Variants in FBXO47 observed in about 807,000 individuals in gnomAD.
The protein encoded by FBXO47 is F-box only protein 47.
Under a neutral mutation model 53.9 loss-of-function variants are expected in FBXO47, and 34 were observed. The ratio of observed to expected loss-of-function variants is 0.63; its 90% CI spans 0.48 to 0.84. FBXO47 has a LOEUF of 0.84. Ranked by LOEUF, FBXO47 falls within the 40% of genes least tolerant of loss-of-function variation. The pLI is 0.00. For missense variants in FBXO47, 485 were observed against 541.3 expected (o/e 0.90, Z 1.03); for synonymous variants, 165 against 181.6 (o/e 0.91, Z 0.73).
intron 9 of FBXO47, among the ~76,000 whole-genome samples, chr17:38,942,038 A>C (rs889857059): frequency 3.3e-5 from 5 of 152,058 alleles, no homozygotes; most frequent in Non-Finnish European, 7.4e-5. Context: ...AGAGAGAATA[A>C]TATAATAAAC....
intron 1 of FBXO47, 21 bp from the exon 2 acceptor site, chr17:38,963,072 C>A: frequency 1.4e-6 from 2 of 1,390,132 alleles, no homozygotes; most frequent in Non-Finnish European, 9.9e-7. Flanking sequence ...AAACAAAGTA[C>A]AAGAGACAAG....
At chr17:38,952,574 G>T (rs1235236660) in intron 5 of FBXO47, among the ~76,000 whole-genome samples, 1 of 151,664 alleles carries the variant, frequency 6.6e-6, no homozygotes, top group Non-Finnish European at 1.5e-5. Flanking sequence ...GGAATGCAAC[G>T]GAGATAACTT....
intron 5 of FBXO47, among the ~76,000 whole-genome samples, chr17:38,952,536 G>A (rs1490250718): frequency 1.3e-5 from 2 of 150,236 alleles, no homozygotes; most frequent in South Asian, 4.2e-4. Flanking sequence ...TTTTTTTTGA[G>A]ATTCAATCTC....
chr17:38,942,557 G>A (rs147697188), intron 9 of FBXO47, among the ~76,000 whole-genome samples: 6 of 152,238 alleles, frequency 3.9e-5, no homozygotes, highest in Non-Finnish European at 7.3e-5. Flanking sequence ...TCGCACCACT[G>A]CACTCCAGCC....
intron 1 of FBXO47, among the ~76,000 whole-genome samples, chr17:38,964,852 G>A (rs1346078512): frequency 6.6e-6 from 1 of 151,540 alleles, no homozygotes; most frequent in South Asian, 2.1e-4. Context: ...TCGCTCTACT[G>A]CCCGGGCTGG....
rs149066313 is a variant in FBXO47 at position 38,951,614 on chromosome 17, G to C, written c.583C>G (p.Arg195Gly). ...CTGCAGACAGCCATTTGTATCTTGC[G>C]GCAGAGATTAGTCAGTTCGCATAAG... ...NFLCELTNLC[R>G]KIQMAVCSKP... The change falls in exon 6 of 11, where the codon CGC becomes GGC. Residue 195 changes from arginine to glycine, a missense_variant. Transcript: ENST00000378079. The C allele has an allele frequency of 6.8e-6, 11 of 1,613,778 alleles. No individual in the cohort carries two copies. The Admixed American group carries it at 1.8e-4, about 27-fold the overall frequency.
chr17:38,961,443 A>C (rs537230637), intron 3 of FBXO47, among the ~76,000 whole-genome samples: 1 of 152,360 alleles, frequency 6.6e-6, no homozygotes, highest in South Asian at 2.1e-4. Flanking sequence ...TAGTAAATGT[A>C]CTTAAAAAAC....
chr17:38,936,931 T>A lies in FBXO47; in HGVS notation c.*244A>T. On this transcript the variant is annotated 3_prime_UTR_variant, in exon 11 of 11. Transcript: ENST00000378079. ...ATTCTATTTTGGTTTGGTGTTAGGT[T>A]GACTAAAACCCGGAGAGGCAGAGCT... 1 of 331,774 alleles carries A rather than the reference T, an allele frequency of 3.0e-6. No individual in the cohort carries two copies. Among genetic ancestry groups the A allele is most frequent in the Admixed American group, 4.8e-5 (1 of 20,772 alleles). 20.6% of individuals were successfully genotyped at this position (331,774 alleles called of 1,614,324 possible).
chr17:38,955,315 G>T (rs1905494740), intron 4 of FBXO47, among the ~76,000 whole-genome samples: 1 of 151,042 alleles, frequency 6.6e-6, no homozygotes, highest in Non-Finnish European at 1.5e-5. Context: ...ATGAACCCAG[G>T]AGGCGGAGCT....
intron 3 of FBXO47, among the ~76,000 whole-genome samples, chr17:38,960,921 C>G (rs559013833): frequency 2.0e-5 from 3 of 151,920 alleles, no homozygotes; most frequent in Non-Finnish European, 4.4e-5. Flanking sequence ...TGTGAACCAC[C>G]GCAGCCAGCC....
chr17:38,951,465 A>G (rs1248090977), intron 6 of FBXO47, 116 bp downstream of exon 6: 3 of 688,258 alleles, frequency 4.4e-6, no homozygotes, highest in Non-Finnish European at 6.9e-6. Flanking sequence ...AAGTGCTGGG[A>G]TTTTAGGCAT....
At chr17:38,955,902 G>A (rs1905528105) in intron 4 of FBXO47, among the ~76,000 whole-genome samples, 1 of 145,788 alleles carries the variant, frequency 6.9e-6, no homozygotes, top group South Asian at 2.2e-4. Context: ...AGGTTACAGC[G>A]AGCTGAGATC....
At chr17:38,945,186 G>T (rs1040365837) in intron 6 of FBXO47, 50 bp from the exon 7 acceptor site, 1 of 1,396,828 alleles carries the variant, frequency 7.2e-7, no homozygotes, top group Admixed American at 1.7e-5. Flanking sequence ...AGGCTGCTGT[G>T]CATATTGAAT....
chr17:38,944,869 T>TGTGTGTGTGTGTGC, intron 7 of FBXO47, 91 bp downstream of exon 7: 1 of 933,106 alleles, frequency 1.1e-6, no homozygotes, highest in Non-Finnish European at 1.7e-6. Context: ...TGTGTGTGTG[T>TGTGTGTGTGTGTGC]GTATAATATA....
At chr17:38,950,088 T>G (rs1280899552) in intron 6 of FBXO47, among the ~76,000 whole-genome samples, 1 of 152,174 alleles carries the variant, frequency 6.6e-6, no homozygotes, top group African/African-American at 2.4e-5. Flanking sequence ...CATTTATATT[T>G]ACACTGTTGT....
intron 6 of FBXO47, among the ~76,000 whole-genome samples, chr17:38,949,530 T>TATAC (rs1052709200): frequency 1.3e-5 from 2 of 152,320 alleles, no homozygotes; most frequent in Non-Finnish European, 1.5e-5. Context: ...CCTGGGGCTA[T>TATAC]ATACCTAGAA....
rs556529836 is a variant in FBXO47, at chr17:38,943,903, C to T, written c.794-167G>A. The stretch of plus-strand genomic sequence containing the variant: ...ATTCTGGTAATAGTATAGATTTGAA[C>T]GTCTCTGGCCGGGCGTGGTGGCTCA... On this transcript the variant is annotated intron_variant, in intron 7 of 10. Transcript: ENST00000378079. Among the ~76,000 whole-genome samples, 5 of 152,224 alleles carry T rather than the reference C, an allele frequency of 3.3e-5. No homozygotes were observed. In the South Asian group the frequency reaches 6.2e-4, roughly 19 times the overall value.
intron 10 of FBXO47, among the ~76,000 whole-genome samples, chr17:38,938,145 G>A (rs974754561): frequency 6.6e-6 from 1 of 152,152 alleles, no homozygotes; most frequent in Non-Finnish European, 1.5e-5. Context: ...ACTTCTCTAA[G>A]CCTTAGTTTT....
At chr17:38,966,483 G>C (rs1906137575) in intron 1 of FBXO47, among the ~76,000 whole-genome samples, 1 of 152,176 alleles carries the variant, frequency 6.6e-6, no homozygotes, top group Admixed American at 6.6e-5. Flanking sequence ...TTACAGGCGT[G>C]AGCCACCGCA....
Sources: gnomAD v4.1 joint callset for allele counts (sites outside exome capture counted in the v4.1 genomes callset) on GRCh38, gnomAD v4.1.1 for gene constraint, MANE v1.5 for transcripts, NCBI Gene and HGNC (gene_info 2026-07-23, HGNC 2026-07-21) for gene names.